Variants in PRKN observed in about 807,000 individuals in gnomAD.
PRKN encodes E3 ubiquitin-protein ligase parkin.
A neutral mutation model predicts 59.5 loss-of-function variants in PRKN; 56 were observed. The ratio of observed to expected loss-of-function variants is 0.94; its 90% CI spans 0.76 to 1.18. The LOEUF (loss-of-function observed/expected upper bound fraction) is 1.18. Among genes scored for constraint, PRKN ranks in the 50% most tolerant of loss-of-function variants. The pLI is 0.00. For missense variants in PRKN, 657 were observed against 596.4 expected (o/e 1.10, Z -1.06); for synonymous variants, 250 against 222.1 (o/e 1.13, Z -1.12).
chr6:162,114,482 G>T (rs1336867744), intron 4 of PRKN, among the ~76,000 whole-genome samples: 1 of 151,706 alleles, frequency 6.6e-6, no homozygotes, highest in Non-Finnish European at 1.5e-5. Context: ...AAGCAATTGT[G>T]AATGGGAGTT....
At chr6:162,238,015 G>A (rs1435492536) in intron 3 of PRKN, among the ~76,000 whole-genome samples, 1 of 152,132 alleles carries the variant, frequency 6.6e-6, no homozygotes. Context: ...CTGAATTGTA[G>A]TTGCACTCCT....
At chr6:161,807,338 C>A (rs1432302104) in intron 6 of PRKN, among the ~76,000 whole-genome samples, 2 of 152,180 alleles carry the variant, frequency 1.3e-5, no homozygotes, top group East Asian at 3.9e-4. Flanking sequence ...TACACGCACA[C>A]ATACACATGC....
intron 1 of PRKN, among the ~76,000 whole-genome samples, chr6:162,446,873 A>G (rs2179048): frequency 0.47 from 72,050 of 151,936 alleles, 18,207 homozygotes; most frequent in African/African-American, 0.65. Context: ...CAGGAGTGGA[A>G]GGAAGTACCC....
intron 6 of PRKN, among the ~76,000 whole-genome samples, chr6:161,859,021 C>T (rs568038877): frequency 1.3e-4 from 19 of 151,532 alleles, no homozygotes; most frequent in Admixed American, 4.6e-4. Flanking sequence ...AGGTGCCCAC[C>T]AACATACCCA....
At chr6:162,008,745 A>C (rs982716923) in intron 5 of PRKN, among the ~76,000 whole-genome samples, 3 of 152,144 alleles carry the variant, frequency 2.0e-5, no homozygotes, top group African/African-American at 7.2e-5. Flanking sequence ...AAAAGACACC[A>C]TGGCCCCAGT....
chr6:162,716,770 A>ACGCACACACACACG (rs1026751344), intron 1 of PRKN, among the ~76,000 whole-genome samples: 9 of 136,344 alleles, frequency 6.6e-5, no homozygotes, highest in Admixed American at 1.5e-4. Context: ...GCGCGCGCGC[A>ACGCACACACACACG]CGCACACACA....
rs150381685 is a variant in PRKN, at chr6:161,908,222, G to T, written c.734+65080C>A. 1.1e-3 allele frequency among the ~76,000 whole-genome samples: 173 copies of T among 152,280 alleles called. 1 individual carries two copies. Among genetic ancestry groups the T allele is most frequent in the African/African-American group, 3.9e-3 (164 of 41,560 alleles). ...TTAGCTCGGAACCGTCAATGACCTG[G>T]GGAGCACGTGAGAGTCAGTGGGGCA... On this transcript the variant is annotated intron_variant, in intron 6 of 11. Coordinates refer to ENST00000366898, the MANE Select transcript of PRKN (RefSeq NM_004562.3).
At chr6:162,651,654 C>G (rs996207540) in intron 1 of PRKN, among the ~76,000 whole-genome samples, 24 of 152,198 alleles carry the variant, frequency 1.6e-4, no homozygotes, top group African/African-American at 5.8e-4. Flanking sequence ...CTCACACTGA[C>G]AAGATCCTCA....
At chr6:161,839,934 T>A (rs1340848208) in intron 6 of PRKN, among the ~76,000 whole-genome samples, 1 of 152,246 alleles carries the variant, frequency 6.6e-6, no homozygotes, top group African/African-American at 2.4e-5. Context: ...CATCAAAATC[T>A]GACATATTCA....
At chr6:161,591,887 A>T (rs1781738058) in intron 7 of PRKN, among the ~76,000 whole-genome samples, 1 of 149,808 alleles carries the variant, frequency 6.7e-6, no homozygotes, top group South Asian at 2.1e-4. Flanking sequence ...TTGAATATGC[A>T]TTTTTTTTTT....
intron 2 of PRKN, among the ~76,000 whole-genome samples, chr6:162,322,687 G>A (rs1034014105): frequency 6.6e-5 from 10 of 151,900 alleles, no homozygotes; most frequent in Middle Eastern, 3.4e-3. Context: ...GATAAAGGAC[G>A]GTCTTTTAAA....
chr6:162,336,796 A>G (rs921644566), intron 2 of PRKN, among the ~76,000 whole-genome samples: 2 of 152,208 alleles, frequency 1.3e-5, no homozygotes, highest in African/African-American at 4.8e-5. Context: ...ATTCCTAACC[A>G]TAGAGGACAG....
intron 9 of PRKN, among the ~76,000 whole-genome samples, chr6:161,491,548 A>G (rs552945724): frequency 1.6e-4 from 24 of 152,234 alleles, no homozygotes; most frequent in African/African-American, 5.5e-4. Context: ...AGGTAAAGAC[A>G]CACATTTCAG....
chr6:162,300,924 C>T (rs1781914310), intron 2 of PRKN, among the ~76,000 whole-genome samples: 1 of 151,978 alleles, frequency 6.6e-6, no homozygotes, highest in Non-Finnish European at 1.5e-5. Flanking sequence ...CAATAGCAAA[C>T]TGGAGCTGAT....
At chr6:162,154,562 G>C (rs1782421099) in intron 4 of PRKN, among the ~76,000 whole-genome samples, 1 of 151,532 alleles carries the variant, frequency 6.6e-6, no homozygotes, top group Admixed American at 6.6e-5. Flanking sequence ...GATGAAGTGT[G>C]TTTAAATGGC....
chr6:161,736,535 A>G (rs1414380010), intron 7 of PRKN, among the ~76,000 whole-genome samples: 1 of 152,086 alleles, frequency 6.6e-6, no homozygotes, highest in African/African-American at 2.4e-5. Context: ...CCCTCCCCTT[A>G]CCGGGGGCCA....
At chr6:161,945,827 C>T (rs890834264) in intron 6 of PRKN, among the ~76,000 whole-genome samples, 5 of 152,196 alleles carry the variant, frequency 3.3e-5, no homozygotes, top group Admixed American at 2.0e-4. Flanking sequence ...TATGTTTGTA[C>T]TCACAATATG....
At chr6:162,213,804 TACACACACACACACACACACACACAC>T (rs58192789) in intron 3 of PRKN, among the ~76,000 whole-genome samples, 3,398 of 126,638 alleles carry the variant, frequency 0.027, 53 homozygotes, top group African/African-American at 0.043. Flanking sequence ...AAAAAAACCA[TACACACACACACACACACACACACAC>T]ACACACACAC....
In PRKN at chr6:161,495,338, A is replaced by G. The variant is rs144386967; in HGVS notation, c.1083+53516T>C. ...CGTGTCAGACAACATGCTATGGCTC[A>G]TAGTTGTCCTCCTGATGTGTATCTT... On this transcript the variant is annotated intron_variant, in intron 9 of 11. Coordinates refer to ENST00000366898, the MANE Select transcript of PRKN (RefSeq NM_004562.3). 2.2e-3 allele frequency among the ~76,000 whole-genome samples: 341 copies of G among 152,290 alleles called. 2 individuals carry two copies. The highest frequency in any genetic ancestry group is 8.0e-3 in the African/African-American group (333 of 41,558).
Sources: gnomAD v4.1 joint callset for allele counts (sites outside exome capture counted in the v4.1 genomes callset) on GRCh38, gnomAD v4.1.1 for gene constraint, MANE v1.5 for transcripts, NCBI Gene and HGNC (gene_info 2026-07-23, HGNC 2026-07-21) for gene names.